Variants in DMXL2 observed in about 807,000 individuals in gnomAD.
The protein encoded by DMXL2 is dmX-like protein 2.
In DMXL2, 103 loss-of-function variants were observed where a neutral mutation model predicts 331.1. The observed-to-expected ratio is 0.31, with a 90% confidence interval of 0.27 to 0.37. The LOEUF (loss-of-function observed/expected upper bound fraction) is 0.37. Ranked by LOEUF, DMXL2 falls within the 10% of genes least tolerant of loss-of-function variation. The pLI, the probability that DMXL2 is intolerant of heterozygous loss-of-function variation, is 1.00. For missense variants in DMXL2, 3,171 were observed against 3,642.9 expected, an observed-to-expected ratio of 0.87 and a Z score of 3.33; for synonymous variants, 1,281 against 1,252.1, an observed-to-expected ratio of 1.02 and a Z score of -0.49.
At chr15:51,531,832 A>G (rs2048018655) in intron 13 of DMXL2, among the ~76,000 whole-genome samples, 2 of 152,188 alleles carry the variant, frequency 1.3e-5, no homozygotes, top group Non-Finnish European at 2.9e-5. Flanking sequence ...ATATCATCTC[A>G]CCCCAGTTAA....
At chr15:51,509,776 T>C (rs907092140) in intron 15 of DMXL2, among the ~76,000 whole-genome samples, 1 of 152,044 alleles carries the variant, frequency 6.6e-6, no homozygotes, top group African/African-American at 2.4e-5. Context: ...CAGGCCAATA[T>C]CCCTGATGAA....
intron 13 of DMXL2, among the ~76,000 whole-genome samples, chr15:51,528,427 T>C (rs984711131): frequency 3.9e-5 from 6 of 152,200 alleles, no homozygotes; most frequent in African/African-American, 1.4e-4. Flanking sequence ...GGAATAGCTA[T>C]ACTTATATCA....
At chr15:51,500,559 T>C (rs2043516035) in intron 17 of DMXL2, among the ~76,000 whole-genome samples, 1 of 152,222 alleles carries the variant, frequency 6.6e-6, no homozygotes, top group African/African-American at 2.4e-5. Context: ...TGTGTTTCTA[T>C]TATTTATATT....
intron 6 of DMXL2, among the ~76,000 whole-genome samples, chr15:51,548,759 C>G (rs752236018): frequency 6.6e-6 from 1 of 151,916 alleles, no homozygotes; most frequent in Non-Finnish European, 1.5e-5. Context: ...TAACTAGTAA[C>G]AGAAAGTTAT....
At chr15:51,576,481 C>G (rs1009116124) in intron 1 of DMXL2, among the ~76,000 whole-genome samples, 1 of 152,070 alleles carries the variant, frequency 6.6e-6, no homozygotes, top group African/African-American at 2.4e-5. Flanking sequence ...TTTAGACTTT[C>G]TCTCCAAAGT....
At chr15:51,460,882 A>C (rs2040052647) in intron 33 of DMXL2, among the ~76,000 whole-genome samples, 1 of 152,162 alleles carries the variant, frequency 6.6e-6, no homozygotes, top group Non-Finnish European at 1.5e-5. Context: ...ATCACTAACC[A>C]TATGTAACTA....
At chr15:51,502,763 T>C (rs1211721417) in intron 17 of DMXL2, 43 bp downstream of exon 17, 2 of 1,328,322 alleles carry the variant, frequency 1.5e-6, no homozygotes, top group Admixed American at 3.4e-5. Flanking sequence ...TCATATATTT[T>C]ATCACTCTGA....
chr15:51,551,619 T>C (rs775126951), intron 6 of DMXL2, among the ~76,000 whole-genome samples: 4 of 152,042 alleles, frequency 2.6e-5, no homozygotes, highest in Non-Finnish European at 5.9e-5. Flanking sequence ...AAAAACAAAA[T>C]CAGTCCTCAA....
chr15:51,594,391 A>G (rs556342305), intron 1 of DMXL2, among the ~76,000 whole-genome samples: 1 of 152,352 alleles, frequency 6.6e-6, no homozygotes, highest in East Asian at 1.9e-4. Flanking sequence ...TGAACAGACC[A>G]ATAACAGGCT....
chr15:51,590,187 T>C lies in DMXL2; in HGVS notation c.88-14006A>G, dbSNP rs1595648470. 2.0e-5 allele frequency among the ~76,000 whole-genome samples: 3 copies of C among 152,212 alleles called. No homozygotes were observed. In the East Asian group the frequency reaches 5.8e-4, roughly 29 times the overall value. ...GGCTAGCCAGCAAGCTATGATGTGG[T>C]CTGGCTTAAAAGAGTGAACTGGGTC... is the stretch of plus-strand genomic sequence containing the variant. On this transcript the variant is annotated intron_variant, in intron 1 of 43. Transcript: ENST00000560891.
At chr15:51,541,342 A>T (rs2048584213) in intron 9 of DMXL2, among the ~76,000 whole-genome samples, 1 of 152,202 alleles carries the variant, frequency 6.6e-6, no homozygotes, top group Non-Finnish European at 1.5e-5. Context: ...ATTTGACTCA[A>T]CATATATAAA....
At chr15:51,619,091 G>C (rs898267893) in intron 1 of DMXL2, among the ~76,000 whole-genome samples, 2 of 152,076 alleles carry the variant, frequency 1.3e-5, no homozygotes, top group Non-Finnish European at 2.9e-5. Flanking sequence ...TTAAAAAATA[G>C]CCAAGGACTA....
chr15:51,459,681 A>G, intron 33 of DMXL2, 21 bp from the exon 34 acceptor site: 2 of 1,289,562 alleles, frequency 1.6e-6, no homozygotes, highest in Non-Finnish European at 2.0e-6. Context: ...CCACACCGTC[A>G]CAAACACAAA....
chr15:51,543,278 A>C (rs2048705944), intron 8 of DMXL2, among the ~76,000 whole-genome samples: 1 of 152,100 alleles, frequency 6.6e-6, no homozygotes, highest in Non-Finnish European at 1.5e-5. Flanking sequence ...ATAATTTTTT[A>C]TTACTTTCCT....
chr15:51,602,951 AGAGAC>A (rs1264216112), intron 1 of DMXL2, among the ~76,000 whole-genome samples: 1 of 152,256 alleles, frequency 6.6e-6, no homozygotes, highest in Non-Finnish European at 1.5e-5. Context: ...TTGCAAGAGA[AGAGAC>A]AACAAGACAC....
intron 13 of DMXL2, among the ~76,000 whole-genome samples, chr15:51,528,295 G>A (rs528857145): frequency 4.6e-5 from 7 of 152,120 alleles, no homozygotes; most frequent in Admixed American, 3.3e-4. Context: ...GGCTGAATGG[G>A]TAAACAAAAT....
chr15:51,453,498 T>A (rs1190485854), intron 41 of DMXL2, 52 bp downstream of exon 41: 2 of 1,367,266 alleles, frequency 1.5e-6, no homozygotes, highest in African/African-American at 2.9e-5. Flanking sequence ...TTGCTAAAGG[T>A]ATGGATTTCT....
chr15:51,595,606 T>C (rs1350685251), intron 1 of DMXL2, among the ~76,000 whole-genome samples: 1 of 152,174 alleles, frequency 6.6e-6, no homozygotes, highest in Admixed American at 6.5e-5. Flanking sequence ...GAGCCTGCAT[T>C]GCCAAGTCAA....
intron 29 of DMXL2, among the ~76,000 whole-genome samples, chr15:51,469,291 G>C (rs1365990524): frequency 6.6e-6 from 1 of 151,560 alleles, no homozygotes; most frequent in Non-Finnish European, 1.5e-5. Flanking sequence ...AGGTATAAAT[G>C]AAACAAGACT....
Sources: gnomAD v4.1 joint callset for allele counts (sites outside exome capture counted in the v4.1 genomes callset) on GRCh38, gnomAD v4.1.1 for gene constraint, MANE v1.5 for transcripts, NCBI Gene and HGNC (gene_info 2026-07-23, HGNC 2026-07-21) for gene names.